The following MACROD2 variants were observed in gnomAD, a reference collection of about 807,000 sequenced individuals.
MACROD2 encodes mono-ADP ribosylhydrolase 2.
A neutral mutation model predicts 70.4 loss-of-function variants in MACROD2; 36 were observed. That is an observed-to-expected ratio of 0.51 (90% confidence interval 0.39 to 0.68). The LOEUF is 0.68. MACROD2 is among the 30% of genes least tolerant of loss of function. MACROD2 has a pLI of 0.00. For synonymous variants in MACROD2, 172 were observed against 178.8 expected, an observed-to-expected ratio of 0.96 and a Z score of 0.30; for missense variants, 496 against 538.4, an observed-to-expected ratio of 0.92 and a Z score of 0.78.
At chr20:14,602,473 G>A (rs931076587) in intron 4 of MACROD2, among the ~76,000 whole-genome samples, 2 of 152,158 alleles carry the variant, frequency 1.3e-5, no homozygotes, top group Non-Finnish European at 2.9e-5. Context: ...CCGTCTCCTT[G>A]CCTCTATCAG....
chr20:14,030,533 C>G (rs1056005885), intron 2 of MACROD2, among the ~76,000 whole-genome samples: 2 of 152,008 alleles, frequency 1.3e-5, no homozygotes, highest in Admixed American at 6.6e-5. Context: ...CTTAGCCCCA[C>G]TGAGTAGCTA....
intron 12 of MACROD2, among the ~76,000 whole-genome samples, chr20:15,947,065 C>A (rs552417317): frequency 6.6e-6 from 1 of 152,204 alleles, no homozygotes; most frequent in African/African-American, 2.4e-5. Context: ...TTGCTGCCAA[C>A]GTGTCTCGAC....
chr20:15,039,485 G>A (rs1199577401), intron 5 of MACROD2, among the ~76,000 whole-genome samples: 1 of 152,182 alleles, frequency 6.6e-6, no homozygotes, highest in East Asian at 1.9e-4. Context: ...AGGTTGGAGA[G>A]ACCTTGCTTT....
chr20:15,371,745 A>G (rs1165016408), intron 6 of MACROD2, among the ~76,000 whole-genome samples: 1 of 152,180 alleles, frequency 6.6e-6, no homozygotes, highest in Non-Finnish European at 1.5e-5. Context: ...ATTTTTTAAA[A>G]AGCACCTAGA....
chr20:15,000,205 A>AT (rs557861742), intron 5 of MACROD2, among the ~76,000 whole-genome samples: 33 of 152,274 alleles, frequency 2.2e-4, no homozygotes, highest in East Asian at 7.7e-4. Context: ...TCTACATTAA[A>AT]TTTTTTTTAT....
chr20:14,394,242 G>T (rs906975262), intron 3 of MACROD2, among the ~76,000 whole-genome samples: 9 of 152,170 alleles, frequency 5.9e-5, no homozygotes, highest in African/African-American at 1.7e-4. Context: ...TTCAACCCAT[G>T]AAGATGGAGT....
chr20:15,670,852 A>G (rs2049970499), intron 8 of MACROD2, among the ~76,000 whole-genome samples: 1 of 152,220 alleles, frequency 6.6e-6, no homozygotes, highest in African/African-American at 2.4e-5. Flanking sequence ...TCAGCCATCC[A>G]TGGACCTGTG....
chr20:14,890,951 TTTCCTTCC>T lies in MACROD2; in HGVS notation c.418+206026_418+206033del, dbSNP rs372577604. Among the ~76,000 whole-genome samples, 205 of 105,696 alleles carry T rather than the reference TTTCCTTCC, an allele frequency of 1.9e-3. 2 individuals are homozygous for T. The highest frequency in any genetic ancestry group is 5.2e-3 in the East Asian group (21 of 4,016). 69.3% of individuals were successfully genotyped at this position (105,696 alleles called of 152,430 possible). The stretch of plus-strand genomic sequence containing the variant: ...GACAAATAGGGATCTTCTTTCTCTT[TTTCCTTCC>T]TTCCTTCCTTCCTTCCTTCCTTCCT... On this transcript the variant is annotated intron_variant, in intron 5 of 17. Coordinates refer to ENST00000684519, the MANE Select transcript of MACROD2 (RefSeq NM_001351661.2).
chr20:15,109,005 C>T (rs2075933857), intron 5 of MACROD2, among the ~76,000 whole-genome samples: 1 of 152,170 alleles, frequency 6.6e-6, no homozygotes, highest in South Asian at 2.1e-4. Flanking sequence ...CCAACTAAAG[C>T]CTGTGGGCCA....
At chr20:15,902,764 G>A (rs2065084787) in intron 10 of MACROD2, among the ~76,000 whole-genome samples, 1 of 152,040 alleles carries the variant, frequency 6.6e-6, no homozygotes, top group African/African-American at 2.4e-5. Flanking sequence ...GAACCGTCTT[G>A]GAGTCAGATC....
At chr20:14,457,136 G>GA (rs1344515603) in intron 3 of MACROD2, among the ~76,000 whole-genome samples, 4 of 152,090 alleles carry the variant, frequency 2.6e-5, no homozygotes, top group African/African-American at 9.7e-5. Flanking sequence ...AGAAAGTGGA[G>GA]ACATCAGGGG....
chr20:15,178,620 C>A (rs896275638), intron 5 of MACROD2, among the ~76,000 whole-genome samples: 3 of 152,216 alleles, frequency 2.0e-5, no homozygotes, highest in African/African-American at 7.2e-5. Context: ...GATGTCTCTG[C>A]ATGAGTCCTT....
intron 3 of MACROD2, chr20:14,086,310 T>C (rs1252526370): frequency 1.1e-5 from 3 of 271,576 alleles, no homozygotes; most frequent in East Asian, 8.6e-5. Flanking sequence ...ATTTTACAGA[T>C]GTTATATTTT....
chr20:15,959,625 G>A (rs1191928282), intron 12 of MACROD2, among the ~76,000 whole-genome samples: 1 of 152,210 alleles, frequency 6.6e-6, no homozygotes, highest in African/African-American at 2.4e-5. Context: ...CGCCTCCTGG[G>A]TTCAAGCGAT....
chr20:14,389,474 A>G (rs1600190033), intron 3 of MACROD2, among the ~76,000 whole-genome samples: 1 of 147,552 alleles, frequency 6.8e-6, no homozygotes, highest in Admixed American at 6.7e-5. Context: ...CCCAGGCCGG[A>G]GTGCAGTGGC....
chr20:14,815,759 G>C (rs1180424850), intron 5 of MACROD2, among the ~76,000 whole-genome samples: 3 of 151,918 alleles, frequency 2.0e-5, no homozygotes, highest in Non-Finnish European at 4.4e-5. Context: ...ATCTAACATA[G>C]TAACATTTTT....
intron 3 of MACROD2, among the ~76,000 whole-genome samples, chr20:14,267,872 C>A (rs2082156608): frequency 6.6e-6 from 1 of 151,898 alleles, no homozygotes; most frequent in South Asian, 2.1e-4. Context: ...GATTCATAGA[C>A]CCCTGAAAAC....
intron 3 of MACROD2, chr20:14,325,717 A>G: frequency 6.2e-7 from 1 of 1,613,902 alleles, no homozygotes; most frequent in Admixed American, 1.7e-5. Flanking sequence ...GCTTATTGGT[A>G]ACATCTGAAA....
intron 4 of MACROD2, among the ~76,000 whole-genome samples, chr20:14,585,223 T>C (rs1981296404): frequency 6.6e-6 from 1 of 152,194 alleles, no homozygotes; most frequent in Admixed American, 6.6e-5. Flanking sequence ...TCTAGCAAGT[T>C]TGTCTTGGAG....
Sources: gnomAD v4.1 joint callset for allele counts (sites outside exome capture counted in the v4.1 genomes callset) on GRCh38, gnomAD v4.1.1 for gene constraint, MANE v1.5 for transcripts, NCBI Gene and HGNC (gene_info 2026-07-23, HGNC 2026-07-21) for gene names.